ENOX1: variants seen among roughly 807,000 people sequenced by gnomAD.
ENOX1 encodes candidate growth-related and time keeping constitutive hydroquinone (NADH) oxidase.
A neutral mutation model predicts 82.5 loss-of-function variants in ENOX1; 42 were observed. That is an observed-to-expected ratio of 0.51 (90% CI 0.40 to 0.66). The LOEUF is 0.66. Ranked by LOEUF, ENOX1 falls within the 30% of genes least tolerant of loss-of-function variation. The probability of loss-of-function intolerance (pLI) is 0.00; values close to 1 mark genes in which losing one functional copy is unlikely to be tolerated. For missense variants in ENOX1, 608 were observed against 811.6 expected, an observed-to-expected ratio of 0.75 and a Z score of 3.05; for synonymous variants, 271 against 282.2, an observed-to-expected ratio of 0.96 and a Z score of 0.40.
At chr13:43,338,717 G>A (rs941305143) in intron 9 of ENOX1, among the ~76,000 whole-genome samples, 4 of 115,910 alleles carry the variant, frequency 3.5e-5, no homozygotes, top group Non-Finnish European at 4.9e-5. Flanking sequence ...ATGGAGTCTC[G>A]CTCTGTCACC....
At chr13:43,474,007 G>A (rs9594950) in intron 3 of ENOX1, among the ~76,000 whole-genome samples, 31,085 of 152,030 alleles carry the variant, frequency 0.2, 3,666 homozygotes, top group Middle Eastern at 0.29. Context: ...TAATAGTAAT[G>A]AATTTGTCAA....
chr13:43,731,541 T>C (rs939111012), intron 1 of ENOX1, among the ~76,000 whole-genome samples: 1 of 150,984 alleles, frequency 6.6e-6, no homozygotes, highest in Non-Finnish European at 1.5e-5. Context: ...TTTTTTTTCT[T>C]TAGGAAGAAT....
chr13:43,571,026 G>A (rs2080153606), intron 2 of ENOX1, among the ~76,000 whole-genome samples: 1 of 152,134 alleles, frequency 6.6e-6, no homozygotes, highest in South Asian at 2.1e-4. Flanking sequence ...TTCTTGGGAA[G>A]GAATAATTTA....
intron 11 of ENOX1, among the ~76,000 whole-genome samples, chr13:43,309,494 G>A (rs570846492): frequency 3.3e-5 from 5 of 152,244 alleles, no homozygotes; most frequent in Non-Finnish European, 7.4e-5. Context: ...AGTAAGGCCC[G>A]ACAGTGGAGA....
chr13:43,287,683 G>T (rs548372693), intron 12 of ENOX1, among the ~76,000 whole-genome samples: 69 of 152,252 alleles, frequency 4.5e-4, no homozygotes, highest in Non-Finnish European at 7.9e-4. Context: ...TACTCAGTGG[G>T]CCATCCTCAC....
At chr13:43,404,676 T>G (rs1286657520) in intron 5 of ENOX1, among the ~76,000 whole-genome samples, 1 of 152,242 alleles carries the variant, frequency 6.6e-6, no homozygotes, top group Admixed American at 6.5e-5. Flanking sequence ...AGAGCATCAC[T>G]GGTCGGTCAG....
chr13:43,655,426 T>C (rs2084385405), intron 2 of ENOX1, among the ~76,000 whole-genome samples: 1 of 152,164 alleles, frequency 6.6e-6, no homozygotes, highest in Non-Finnish European at 1.5e-5. Flanking sequence ...TTACACTGTC[T>C]ATAACTTACC....
At chr13:43,753,470 G>C (rs1487317253) in intron 1 of ENOX1, among the ~76,000 whole-genome samples, 14 of 152,060 alleles carry the variant, frequency 9.2e-5, no homozygotes. Context: ...TTCATTGCTG[G>C]TATATAGTAA....
intron 3 of ENOX1, among the ~76,000 whole-genome samples, chr13:43,450,545 G>A (rs2056908511): frequency 1.3e-5 from 2 of 152,194 alleles, no homozygotes; most frequent in South Asian, 2.1e-4. Flanking sequence ...GTGGGGAAGG[G>A]CCTTTATTAT....
At chr13:43,630,898 C>T (rs997576592) in intron 2 of ENOX1, among the ~76,000 whole-genome samples, 14 of 148,474 alleles carry the variant, frequency 9.4e-5, no homozygotes, top group African/African-American at 1.5e-4. Context: ...TATATATACA[C>T]GCATACATAC....
intron 3 of ENOX1, among the ~76,000 whole-genome samples, chr13:43,477,036 A>G (rs1314046534): frequency 8.1e-6 from 1 of 124,018 alleles, no homozygotes; most frequent in Non-Finnish European, 1.7e-5. Context: ...ATATTAAGAG[A>G]GAGATTCTAA....
intron 1 of ENOX1, among the ~76,000 whole-genome samples, chr13:43,775,080 T>G (rs1951838382): frequency 6.6e-6 from 1 of 152,124 alleles, no homozygotes; most frequent in Admixed American, 6.6e-5. Context: ...ACTCCTGACC[T>G]CAAGTGATCC....
intron 1 of ENOX1, among the ~76,000 whole-genome samples, chr13:43,778,446 C>G (rs1340452721): frequency 2.0e-5 from 3 of 152,166 alleles, no homozygotes; most frequent in Non-Finnish European, 4.4e-5. Flanking sequence ...CACTCATTCA[C>G]TTAGCTAAAA....
At chr13:43,699,592 G>A (rs1429077115) in intron 1 of ENOX1, among the ~76,000 whole-genome samples, 1 of 152,134 alleles carries the variant, frequency 6.6e-6, no homozygotes, top group Non-Finnish European at 1.5e-5. Context: ...AGGGAGATTA[G>A]CTTTCAAATG....
chr13:43,608,079 T>C (rs959358113), intron 2 of ENOX1, among the ~76,000 whole-genome samples: 2 of 152,208 alleles, frequency 1.3e-5, no homozygotes, highest in East Asian at 1.9e-4. Context: ...TCCTTTGTTA[T>C]GTGTTCCTGA....
chr13:43,496,775 C>T (rs2076811270), intron 2 of ENOX1, among the ~76,000 whole-genome samples: 1 of 152,100 alleles, frequency 6.6e-6, no homozygotes, highest in South Asian at 2.1e-4. Flanking sequence ...TTCATGATAA[C>T]ATATTCTGTT....
chr13:43,434,492 C>T (rs2055873664), intron 3 of ENOX1, among the ~76,000 whole-genome samples: 1 of 152,166 alleles, frequency 6.6e-6, no homozygotes, highest in African/African-American at 2.4e-5. Context: ...CCCACCTCCT[C>T]CAAGACACCA....
chr13:43,265,536 G>T, intron 13 of ENOX1, 82 bp from the exon 14 acceptor site: 2 of 1,158,344 alleles, frequency 1.7e-6, no homozygotes, highest in African/African-American at 1.5e-5. Context: ...CTTGTTAACT[G>T]ATTTATCTGA....
chr13:43,659,503 T>G (rs183371186), intron 2 of ENOX1, among the ~76,000 whole-genome samples: 1,501 of 148,702 alleles, frequency 0.01, 15 homozygotes, highest in South Asian at 0.054. Context: ...AAAAAAAAAA[T>G]TTTCTTCTTC....
Sources: gnomAD v4.1 joint callset for allele counts (sites outside exome capture counted in the v4.1 genomes callset) on GRCh38, gnomAD v4.1.1 for gene constraint, MANE v1.5 for transcripts, NCBI Gene and HGNC (gene_info 2026-07-23, HGNC 2026-07-21) for gene names.